The following MSI2 variants were observed in gnomAD, a reference collection of about 807,000 sequenced individuals.
The protein encoded by MSI2 is musashi RNA binding protein 2.
A neutral mutation model predicts 45.6 loss-of-function variants in MSI2; 17 were observed. The ratio of observed to expected loss-of-function variants is 0.37; its 90% CI spans 0.26 to 0.56. MSI2 has a LOEUF of 0.56. Among genes scored for constraint, MSI2 ranks in the 20% least tolerant of loss-of-function variants. The pLI is 0.77. For missense variants in MSI2, 293 were observed against 444.2 expected, an observed-to-expected ratio of 0.66 and a Z score of 3.06; for synonymous variants, 156 against 158.2, an observed-to-expected ratio of 0.99 and a Z score of 0.11.
At chr17:57,308,546 T>G (rs1341043123) in intron 5 of MSI2, among the ~76,000 whole-genome samples, 1 of 152,212 alleles carries the variant, frequency 6.6e-6, no homozygotes, top group Non-Finnish European at 1.5e-5. Context: ...GATTTCCTCT[T>G]TGGCATATGA....
At chr17:57,655,562 CA>C (rs1911535323) in intron 11 of MSI2, among the ~76,000 whole-genome samples, 1 of 145,686 alleles carries the variant, frequency 6.9e-6, no homozygotes, top group Non-Finnish European at 1.5e-5. Flanking sequence ...AGCTTTATTC[CA>C]ATCTAGTAAC....
At chr17:57,332,691 G>T (rs1914366667) in intron 5 of MSI2, among the ~76,000 whole-genome samples, 1 of 152,202 alleles carries the variant, frequency 6.6e-6, no homozygotes, top group African/African-American at 2.4e-5. Flanking sequence ...CTTCTCTTGA[G>T]AGAGAGAAAG....
chr17:57,464,604 G>A (rs964410076), intron 6 of MSI2, among the ~76,000 whole-genome samples: 11 of 152,164 alleles, frequency 7.2e-5, no homozygotes, highest in African/African-American at 1.4e-4. Flanking sequence ...CTGCTGCCTC[G>A]TTACGGGGTG....
intron 10 of MSI2, among the ~76,000 whole-genome samples, chr17:57,643,644 A>G (rs533268737): frequency 6.6e-6 from 1 of 152,326 alleles, no homozygotes; most frequent in South Asian, 2.1e-4. Flanking sequence ...TGCTTCCACA[A>G]AGCCATTCAT....
chr17:57,509,558 T>A (rs1370778746), intron 6 of MSI2, among the ~76,000 whole-genome samples: 4 of 152,170 alleles, frequency 2.6e-5, no homozygotes, highest in Non-Finnish European at 5.9e-5. Flanking sequence ...GTAGCTGGGA[T>A]TACACACATC....
chr17:57,339,418 TC>T (rs1914940380), intron 5 of MSI2, among the ~76,000 whole-genome samples: 1 of 152,154 alleles, frequency 6.6e-6, no homozygotes. Context: ...ATCCTTCAGC[TC>T]CTGCCTCCAC....
At chr17:57,461,278 G>A (rs945096811) in intron 6 of MSI2, among the ~76,000 whole-genome samples, 18 of 152,090 alleles carry the variant, frequency 1.2e-4, no homozygotes, top group East Asian at 9.6e-4. Context: ...AGGGCCACAC[G>A]GTCATCCTAG....
At chr17:57,406,389 C>T (rs941100442) in intron 6 of MSI2, among the ~76,000 whole-genome samples, 1 of 152,154 alleles carries the variant, frequency 6.6e-6, no homozygotes, top group Non-Finnish European at 1.5e-5. Flanking sequence ...CTTCAAGTAC[C>T]GGTTTCTTAA....
intron 6 of MSI2, among the ~76,000 whole-genome samples, chr17:57,498,385 G>A (rs975214509): frequency 4.6e-5 from 7 of 152,242 alleles, no homozygotes; most frequent in Admixed American, 1.3e-4. Flanking sequence ...CACCTAGGCC[G>A]CTGACGGCCT....
chr17:57,502,599 T>TGA (rs1491473742), intron 6 of MSI2, among the ~76,000 whole-genome samples: 28 of 34,856 alleles, frequency 8.0e-4, no homozygotes, highest in African/African-American at 2.1e-3. Flanking sequence ...AAGATGACTC[T>TGA]GAGATATATA....
At chr17:57,500,572 C>G (rs1037010240) in intron 6 of MSI2, among the ~76,000 whole-genome samples, 59 of 151,712 alleles carry the variant, frequency 3.9e-4, no homozygotes, top group African/African-American at 1.4e-3. Flanking sequence ...GAAGGGCCAT[C>G]CGGGTCTGTA....
At chr17:57,458,950 A>C (rs988403403) in intron 6 of MSI2, among the ~76,000 whole-genome samples, 7 of 152,170 alleles carry the variant, frequency 4.6e-5, no homozygotes, top group African/African-American at 1.7e-4. Context: ...GATCCTTTTA[A>C]TTGCCACCAA....
Position 57,684,159 on chromosome 17 carries a change from G to C in MSI2, c.*4642G>C, listed in dbSNP as rs2144775932. The stretch of plus-strand genomic sequence containing the variant: ...AAAAGTTCCAGAGCCTCCCTCGAAG[G>C]TTCTCTACTACTGTATTCTGTACAT... On this transcript the variant is annotated 3_prime_UTR_variant, in exon 14 of 14. Coordinates refer to ENST00000284073, the MANE Select transcript of MSI2 (RefSeq NM_138962.4). 4.6e-6 allele frequency: 1 copy of C among 216,514 alleles called. No individual in the cohort carries two copies. The highest frequency in any genetic ancestry group is 9.3e-6 in the Non-Finnish European group (1 of 107,300). The allele number at this position is 216,514 out of a possible 1,614,324, so 13.4% of individuals were successfully genotyped here. A position where few individuals can be genotyped will look rare whatever the true frequency, so the allele number is the denominator to read the frequency against.
At chr17:57,444,176 A>G (rs1421649213) in intron 6 of MSI2, among the ~76,000 whole-genome samples, 1 of 152,232 alleles carries the variant, frequency 6.6e-6, no homozygotes, top group Non-Finnish European at 1.5e-5. Flanking sequence ...GAATTCCTGC[A>G]CATGGCTAGG....
chr17:57,571,103 G>A (rs1006568412), intron 7 of MSI2, among the ~76,000 whole-genome samples: 1 of 152,212 alleles, frequency 6.6e-6, no homozygotes, highest in Non-Finnish European at 1.5e-5. Context: ...CCTCTGAGCA[G>A]AGGGATGCTG....
chr17:57,530,036 G>A lies in MSI2; in HGVS notation c.454+312G>A, dbSNP rs150950463. The stretch of plus-strand genomic sequence containing the variant: ...TCCCTTGCTAACCTCGGCACTAAGC[G>A]ATCCAAGTGGAAATTATTCACAGCA... On this transcript the variant is annotated intron_variant, in intron 7 of 13. Coordinates refer to ENST00000284073, the MANE Select transcript of MSI2 (RefSeq NM_138962.4). 1.4e-3 allele frequency among the ~76,000 whole-genome samples: 212 copies of A among 152,242 alleles called. 2 individuals are homozygous for A. Among genetic ancestry groups the A allele is most frequent in the Admixed American group, 3.9e-3 (59 of 15,296 alleles).
the MSI2 span, among the ~76,000 whole-genome samples, chr17:57,695,111 C>T: frequency 6.6e-6 from 1 of 152,152 alleles, no homozygotes; most frequent in Non-Finnish European, 1.5e-5. Flanking sequence ...CTTCACTTAA[C>T]CAATGAGATA....
intron 8 of MSI2, among the ~76,000 whole-genome samples, chr17:57,603,433 C>A (rs560767918): frequency 6.6e-6 from 1 of 152,356 alleles, no homozygotes; most frequent in African/African-American, 2.4e-5. Context: ...AGGCGAGTGC[C>A]CTACCTGTCT....
chr17:57,295,095 T>G (rs1250943899), intron 5 of MSI2, among the ~76,000 whole-genome samples: 7 of 152,032 alleles, frequency 4.6e-5, no homozygotes, highest in Non-Finnish European at 5.9e-5. Context: ...AGGAAAGAAT[T>G]GGGATGGGGG....
Sources: gnomAD v4.1 joint callset for allele counts (sites outside exome capture counted in the v4.1 genomes callset) on GRCh38, gnomAD v4.1.1 for gene constraint, MANE v1.5 for transcripts, NCBI Gene and HGNC (gene_info 2026-07-23, HGNC 2026-07-21) for gene names.